TBC1D25: variants seen among roughly 807,000 people sequenced by gnomAD.
TBC1D25 encodes 5SN3 snoRNA.
A neutral mutation model predicts 38.8 loss-of-function variants in TBC1D25; 13 were observed. The observed-to-expected ratio is 0.34, with a 90% confidence interval of 0.22 to 0.53. TBC1D25 has a LOEUF of 0.53. Ranked by LOEUF, TBC1D25 falls within the 20% of genes least tolerant of loss-of-function variation. The pLI is 0.94. For synonymous variants in TBC1D25, 225 were observed against 255.6 expected (o/e 0.88, Z 1.14); for missense variants, 372 against 600.0 (o/e 0.62, Z 3.97).
In TBC1D25 at chrX:48,561,197, A is replaced by G. The variant is rs2062023730; in HGVS notation, c.*222A>G. 1 of 400,797 alleles carries G rather than the reference A, an allele frequency of 2.5e-6. No individual in the cohort carries two copies. The highest frequency in any genetic ancestry group is 4.1e-5 in the East Asian group (1 of 24,508). 33.0% of individuals were successfully genotyped at this position (400,797 alleles called of 1,213,427 possible). A position where few individuals can be genotyped will look rare whatever the true frequency, so the allele number is the denominator to read the frequency against. ...TTCTGTTGTTTTGTTTTTAACAACT[A>G]TACTTTGCACACATGAAGGTCACTG... On this transcript the variant is annotated 3_prime_UTR_variant, in exon 6 of 6. Coordinates refer to ENST00000376771, the MANE Select transcript of TBC1D25 (RefSeq NM_002536.4).
At chrX:48,554,767 C>T (rs183139401) in intron 3 of TBC1D25, among the ~76,000 whole-genome samples, 1 of 111,363 alleles carries the variant, frequency 9.0e-6, no homozygotes, top group Admixed American at 9.7e-5. Flanking sequence ...ACTTGGCATC[C>T]AGGTCTCTCT....
chrX:48,559,292 C>A lies in TBC1D25; in HGVS notation c.651C>A (p.Pro217=), dbSNP rs781809662. The part of the protein sequence containing the change: ...YLNHEGQLSR[P]EELRLRIYHG... Reference sequence around the variant, plus strand: ...ACCACGAGGGCCAGCTCTCCCGACCCGAGGAGTTGCGCCTGCGGATCTATC... The same window carrying A: ...ACCACGAGGGCCAGCTCTCCCGACCAGAGGAGTTGCGCCTGCGGATCTATC... The change falls in exon 5 of 6, where the codon CCC becomes CCA. Residue 217 remains proline, a synonymous_variant. Transcript: ENST00000376771. 1.7e-6 allele frequency: 2 copies of A among 1,210,861 alleles called. No individual in the cohort carries two copies. Among genetic ancestry groups the A allele is most frequent in the Non-Finnish European group, 2.2e-6 (2 of 895,161 alleles).
At chrX:48,550,577 C>T (rs1333358957) in intron 3 of TBC1D25, among the ~76,000 whole-genome samples, 4 of 108,144 alleles carry the variant, frequency 3.7e-5, no homozygotes, top group Non-Finnish European at 7.7e-5. Context: ...CCCGGGTTCA[C>T]GCCATTCTCC....
chrX:48,558,229 A>G (rs2061992293), intron 3 of TBC1D25, among the ~76,000 whole-genome samples: 1 of 111,779 alleles, frequency 8.9e-6, no homozygotes, highest in Non-Finnish European at 1.9e-5. Context: ...TCCCAGCCCT[A>G]CTATTTCCTG....
chrX:48,552,733 T>C (rs782293881), intron 3 of TBC1D25, among the ~76,000 whole-genome samples: 1 of 110,827 alleles, frequency 9.0e-6, no homozygotes, highest in Non-Finnish European at 1.9e-5. Context: ...TTTGGAACAC[T>C]TGTAATTCTT....
At chrX:48,544,821 C>T in intron 2 of TBC1D25, 48 bp from the exon 3 acceptor site, 1 of 1,199,254 alleles carries the variant, frequency 8.3e-7, no homozygotes. Flanking sequence ...TCCCTGAGGC[C>T]TCCAGGGCAC....
intron 2 of TBC1D25, among the ~76,000 whole-genome samples, chrX:48,544,647 C>T (rs2061868347): frequency 9.0e-6 from 1 of 111,517 alleles, no homozygotes; most frequent in Non-Finnish European, 1.9e-5. Flanking sequence ...CCAATGTGAC[C>T]TCCAGATACA....
rs533609760 is a variant in TBC1D25, at chrX:48,551,765, C to T, written c.388+6742C>T. ...TCAGCCTCCCAAGCAGCTGGGATTA[C>T]AGGCACCTGCCACCACACCTGGCTA... On this transcript the variant is annotated intron_variant, in intron 3 of 5. Transcript: ENST00000376771. Among the ~76,000 whole-genome samples, 45 of 109,716 alleles carry T rather than the reference C, an allele frequency of 4.1e-4. No individual in the cohort carries two copies. The South Asian group carries it at 0.017, about 41-fold the overall frequency.
At chrX:48,549,559 T>C (rs977612855) in intron 3 of TBC1D25, among the ~76,000 whole-genome samples, 1 of 112,889 alleles carries the variant, frequency 8.9e-6, no homozygotes, top group African/African-American at 3.2e-5. Flanking sequence ...TGGAGTGCGA[T>C]GGCGCGATCT....
At chrX:48,553,871 G>A (rs1227533378) in intron 3 of TBC1D25, among the ~76,000 whole-genome samples, 1 of 109,041 alleles carries the variant, frequency 9.2e-6, no homozygotes, top group Non-Finnish European at 1.9e-5. Context: ...CAATCCGCCC[G>A]CCTTGGCCTC....
chrX:48,558,589 GTAT>G (rs1270395920), intron 3 of TBC1D25, among the ~76,000 whole-genome samples: 2 of 112,467 alleles, frequency 1.8e-5, no homozygotes, highest in Non-Finnish European at 3.7e-5. Context: ...GCATTAGCTA[GTAT>G]TATTATTTCT....
chrX:48,552,038 A>AT (rs2147183981), intron 3 of TBC1D25, among the ~76,000 whole-genome samples: 1 of 109,707 alleles, frequency 9.1e-6, no homozygotes, highest in Non-Finnish European at 1.9e-5. Context: ...CATGGCTACT[A>AT]TTTTTTTCTG....
chrX:48,541,463 G>A (rs371489239), intron 2 of TBC1D25, 21 bp downstream of exon 2: 2 of 1,196,623 alleles, frequency 1.7e-6, no homozygotes, highest in African/African-American at 3.5e-5. Flanking sequence ...AGATGCTGGG[G>A]ACTGGCCAGT....
chrX:48,551,327 TTTTGTTTGTTTG>T (rs199561584), intron 3 of TBC1D25, among the ~76,000 whole-genome samples: 1 of 109,982 alleles, frequency 9.1e-6, no homozygotes, highest in Admixed American at 9.7e-5. Context: ...TTTGCCTGTT[TTTTGTTTGTTTG>T]TTTGTTTGTT....
At chrX:48,552,333 C>T (rs1395598471) in intron 3 of TBC1D25, among the ~76,000 whole-genome samples, 2 of 100,105 alleles carry the variant, frequency 2.0e-5, no homozygotes, top group Admixed American at 2.2e-4. Context: ...ATTACAGGCA[C>T]ACACCATCAT....
At chrX:48,541,165 G>T (rs782404674) in intron 1 of TBC1D25, 168 bp from the exon 2 acceptor site, 6 of 476,833 alleles carry the variant, frequency 1.3e-5, no homozygotes, top group Non-Finnish European at 1.9e-5. Flanking sequence ...AGGATTGGGG[G>T]CCTGAACTCT....
intron 3 of TBC1D25, among the ~76,000 whole-genome samples, chrX:48,548,386 G>T (rs1556982413): frequency 9.1e-6 from 1 of 110,385 alleles, no homozygotes; most frequent in African/African-American, 3.3e-5. Flanking sequence ...AAAGTGCTGG[G>T]ATTACAAGCA....
At position 48,560,805 on chromosome X, in the gene TBC1D25, A is replaced by C. The variant is rs2062018854; in HGVS notation, c.1897A>C (p.Ile633Leu). The C allele has an allele frequency of 8.3e-7, 1 of 1,210,966 alleles. No individual in the cohort carries two copies. Among genetic ancestry groups the C allele is most frequent in the Admixed American group, 2.2e-5 (1 of 45,903 alleles). ...LAILLEHRDH[I>L]MRNGLDYNEL... ...CATCCTGCTGGAGCACCGCGACCAC[A>C]TCATGCGCAATGGGCTGGATTATAA... Residue 633 changes from isoleucine to leucine, a missense_variant, in exon 6 of 6, where the codon ATC (isoleucine) becomes CTC (leucine). Transcript: ENST00000376771.
intron 3 of TBC1D25, among the ~76,000 whole-genome samples, chrX:48,546,990 C>T (rs2061891802): frequency 9.0e-6 from 1 of 111,719 alleles, no homozygotes; most frequent in Non-Finnish European, 1.9e-5. Flanking sequence ...TGGGATGAGT[C>T]GAGCACTTTA....
Sources: allele counts gnomAD v4.1 joint callset (sites outside exome capture counted in the v4.1 genomes callset), GRCh38; gene constraint gnomAD v4.1.1; transcripts MANE v1.5; gene names NCBI Gene and HGNC (gene_info 2026-07-23, HGNC 2026-07-21).